DCLK2: variants seen among roughly 807,000 people sequenced by gnomAD.
DCLK2 encodes the protein serine/threonine-protein kinase DCLK2.
A neutral mutation model predicts 78.4 loss-of-function variants in DCLK2; 31 were observed. The ratio of observed to expected loss-of-function variants is 0.40; its 90% CI spans 0.30 to 0.53. The LOEUF (loss-of-function observed/expected upper bound fraction) is 0.53, where lower values mean the gene tolerates loss of function less well. Among genes scored for constraint, DCLK2 ranks in the 20% least tolerant of loss-of-function variants. The pLI, the probability that DCLK2 is intolerant of heterozygous loss-of-function variation, is 0.61. For missense variants in DCLK2, 872 were observed against 973.7 expected (o/e 0.90, Z 1.39); for synonymous variants, 407 against 374.9 (o/e 1.09, Z -0.99).
intron 3 of DCLK2, 65 bp from the exon 4 acceptor site, chr4:150,197,937 A>G: frequency 7.6e-7 from 1 of 1,314,010 alleles, no homozygotes; most frequent in Non-Finnish European, 1.1e-6. Context: ...AAACAATTAC[A>G]TGTAACTCTG....
intron 1 of DCLK2, among the ~76,000 whole-genome samples, chr4:150,092,381 T>C (rs1730144227): frequency 1.3e-5 from 2 of 152,182 alleles, no homozygotes; most frequent in South Asian, 2.1e-4. Context: ...TGAGGAACTT[T>C]CACACTGTTT....
intron 2 of DCLK2, among the ~76,000 whole-genome samples, chr4:150,164,875 A>C (rs115007270): frequency 0.028 from 4,259 of 152,338 alleles, 161 homozygotes; most frequent in African/African-American, 0.094. Context: ...CTAAAAATTC[A>C]TTTGGAGTTG....
intron 15 of DCLK2, chr4:150,254,309 A>G: frequency 2.5e-6 from 1 of 398,392 alleles, no homozygotes; most frequent in Non-Finnish European, 4.4e-6. Context: ...CCTTAATTTA[A>G]GATAGACAAA....
intron 5 of DCLK2, among the ~76,000 whole-genome samples, chr4:150,210,511 T>A (rs1443753438): frequency 2.0e-5 from 3 of 152,078 alleles, no homozygotes; most frequent in Non-Finnish European, 4.4e-5. Context: ...ATGACTCTAC[T>A]AGGAACAGAT....
chr4:150,195,719 A>G (rs1177854417), intron 3 of DCLK2, among the ~76,000 whole-genome samples: 1 of 151,092 alleles, frequency 6.6e-6, no homozygotes, highest in African/African-American at 2.4e-5. Context: ...GATCTAAGCT[A>G]CTTGGATCGT....
At chr4:150,197,898 C>T (rs1160941864) in intron 3 of DCLK2, 104 bp from the exon 4 acceptor site, 6 of 805,476 alleles carry the variant, frequency 7.4e-6, no homozygotes, top group Non-Finnish European at 1.2e-5. Context: ...ACAGTAATAC[C>T]TAATTATCAG....
intron 2 of DCLK2, among the ~76,000 whole-genome samples, chr4:150,192,904 T>G (rs1738572914): frequency 6.6e-6 from 1 of 152,172 alleles, no homozygotes; most frequent in Admixed American, 6.5e-5. Flanking sequence ...TGACTTCACC[T>G]GTGAAAAAGG....
rs77788835 is a variant in DCLK2, at chr4:150,234,752, T to TA, written c.1566+1939dup. On this transcript the variant is annotated intron_variant, in intron 10 of 15. Transcript: ENST00000296550. ...GAAAAGAAATATCCCTGCTCTGTGTTAAAAAAAAAAAAAAAGGGGGATTGT... is the reference window on the plus strand; with the variant it reads ...GAAAAGAAATATCCCTGCTCTGTGTTAAAAAAAAAAAAAAAAGGGGGATTGT... Among the ~76,000 whole-genome samples the TA allele has an allele frequency of 7.9e-3, 1,110 of 141,090 alleles. 9 individuals carry two copies. The highest frequency in any genetic ancestry group is 0.022 in the African/African-American group (831 of 38,418). 92.6% of individuals were successfully genotyped at this position (141,090 alleles called of 152,430 possible).
At chr4:150,118,040 A>C (rs1292559929) in intron 2 of DCLK2, among the ~76,000 whole-genome samples, 1 of 152,056 alleles carries the variant, frequency 6.6e-6, no homozygotes, top group Non-Finnish European at 1.5e-5. Flanking sequence ...ACCTATTCAG[A>C]ATTACACAAC....
intron 5 of DCLK2, among the ~76,000 whole-genome samples, chr4:150,216,265 A>G (rs2126509021): frequency 6.6e-6 from 1 of 152,360 alleles, no homozygotes; most frequent in East Asian, 1.9e-4. Flanking sequence ...GTCCTTCATC[A>G]GCCATGAATG....
chr4:150,149,612 T>A (rs745993960), intron 2 of DCLK2, among the ~76,000 whole-genome samples: 2 of 152,224 alleles, frequency 1.3e-5, no homozygotes, highest in Non-Finnish European at 2.9e-5. Context: ...TTTGTGGAGC[T>A]TTTTTGCTTA....
intron 2 of DCLK2, among the ~76,000 whole-genome samples, chr4:150,120,468 G>A (rs979955253): frequency 6.6e-6 from 1 of 152,100 alleles, no homozygotes; most frequent in Admixed American, 6.6e-5. Context: ...ATGTGTGTCT[G>A]TATTCTTAGT....
At chr4:150,204,438 A>G (rs1739689590) in intron 5 of DCLK2, among the ~76,000 whole-genome samples, 1 of 152,252 alleles carries the variant, frequency 6.6e-6, no homozygotes, top group Non-Finnish European at 1.5e-5. Flanking sequence ...CAGTAACCGT[A>G]TGATTAGCAG....
intron 2 of DCLK2, among the ~76,000 whole-genome samples, chr4:150,192,783 T>C (rs1272161149): frequency 1.3e-5 from 2 of 152,114 alleles, no homozygotes; most frequent in African/African-American, 4.8e-5. Flanking sequence ...AGAAGGGCAG[T>C]ATGGAAAAGA....
At chr4:150,225,167 A>G (rs1450287444) in intron 8 of DCLK2, among the ~76,000 whole-genome samples, 1 of 152,198 alleles carries the variant, frequency 6.6e-6, no homozygotes, top group Non-Finnish European at 1.5e-5. Context: ...TATTATTTTC[A>G]TTATCCTGGT....
intron 1 of DCLK2, among the ~76,000 whole-genome samples, chr4:150,087,211 G>A (rs1452354852): frequency 2.0e-5 from 3 of 152,134 alleles, no homozygotes; most frequent in Non-Finnish European, 2.9e-5. Context: ...GTTTGGTGAG[G>A]TCGCCCTAAG....
At chr4:150,213,291 TA>T (rs997878291) in intron 5 of DCLK2, among the ~76,000 whole-genome samples, 1 of 152,208 alleles carries the variant, frequency 6.6e-6, no homozygotes, top group African/African-American at 2.4e-5. Context: ...TTAACACTGT[TA>T]ACCAACCACA....
chr4:150,211,303 A>G (rs968710634), intron 5 of DCLK2, among the ~76,000 whole-genome samples: 2 of 151,608 alleles, frequency 1.3e-5, no homozygotes, highest in African/African-American at 4.9e-5. Context: ...TTTCCCCAGA[A>G]CCAAGTGATA....
At chr4:150,233,944 C>A (rs547476009) in intron 10 of DCLK2, among the ~76,000 whole-genome samples, 4 of 152,298 alleles carry the variant, frequency 2.6e-5, no homozygotes, top group South Asian at 2.1e-4. Flanking sequence ...TCCCAGCCCC[C>A]CACAAACACA....
Sources: allele counts gnomAD v4.1 joint callset (sites outside exome capture counted in the v4.1 genomes callset), GRCh38; gene constraint gnomAD v4.1.1; transcripts MANE v1.5; gene names NCBI Gene and HGNC (gene_info 2026-07-23, HGNC 2026-07-21).